The following SNTG1 variants were observed in gnomAD, a reference collection of about 807,000 sequenced individuals.
The protein encoded by SNTG1 is gamma-1-syntrophin.
SNTG1 carries 39 observed loss-of-function variants against 74.7 expected under a neutral mutation model. That is an observed-to-expected ratio of 0.52 (90% confidence interval 0.40 to 0.68). The LOEUF (loss-of-function observed/expected upper bound fraction) is 0.68, where lower values mean the gene tolerates loss of function less well. Ranked by LOEUF, SNTG1 falls within the 30% of genes least tolerant of loss-of-function variation. The probability of loss-of-function intolerance (pLI) is 0.00; values close to 1 mark genes in which losing one functional copy is unlikely to be tolerated. For synonymous variants in SNTG1, 254 were observed against 217.1 expected, an observed-to-expected ratio of 1.17 and a Z score of -1.49; for missense variants, 685 against 609.5, an observed-to-expected ratio of 1.12 and a Z score of -1.30.
chr8:50,174,355 T>C (rs576782102), intron 2 of SNTG1, among the ~76,000 whole-genome samples: 3 of 152,328 alleles, frequency 2.0e-5, no homozygotes, highest in East Asian at 3.9e-4. Flanking sequence ...ATATACCCAG[T>C]AATGGGATTG....
intron 1 of SNTG1, among the ~76,000 whole-genome samples, chr8:50,028,885 G>A (rs921808779): frequency 6.6e-6 from 1 of 152,000 alleles, no homozygotes; most frequent in South Asian, 2.1e-4. Flanking sequence ...GAGATGTCAA[G>A]CAACATTTTT....
At position 50,371,321 on chromosome 8, in the gene SNTG1, A is replaced by G. The variant is rs148591645; in HGVS notation, c.-27-22891A>G. Among the ~76,000 whole-genome samples, 149 of 152,302 alleles carry G rather than the reference A, an allele frequency of 9.8e-4. 4 individuals are homozygous for G. In the East Asian group the frequency reaches 0.019, roughly 20 times the overall value. The stretch of plus-strand genomic sequence containing the variant: ...TACTCCATCATCCAATAAATAAGTC[A>G]TCAGGCCTCAGCAAGCCCTGAAGGC... On this transcript the variant is annotated intron_variant, in intron 2 of 18. Transcript: ENST00000642720.
chr8:50,335,594 T>C (rs374138565), intron 2 of SNTG1, among the ~76,000 whole-genome samples: 23 of 152,126 alleles, frequency 1.5e-4, no homozygotes, highest in East Asian at 9.6e-4. Context: ...AATCAAATCC[T>C]TCTCACACTT....
At chr8:50,344,707 C>CAAGGCTTCTCAA (rs1318887597) in intron 2 of SNTG1, among the ~76,000 whole-genome samples, 2 of 152,122 alleles carry the variant, frequency 1.3e-5, no homozygotes, top group East Asian at 1.9e-4. Flanking sequence ...CAGGTGTGGC[C>CAAGGCTTCTCAA]AAGGCTTCTC....
intron 2 of SNTG1, among the ~76,000 whole-genome samples, chr8:50,355,372 G>A (rs1321532363): frequency 6.6e-6 from 1 of 152,032 alleles, no homozygotes; most frequent in Non-Finnish European, 1.5e-5. Flanking sequence ...GTTATTTACT[G>A]AAAAATAGAA....
intron 13 of SNTG1, among the ~76,000 whole-genome samples, chr8:50,622,969 T>C (rs369011352): frequency 3.9e-5 from 6 of 152,254 alleles, no homozygotes; most frequent in Middle Eastern, 3.4e-3. Flanking sequence ...TTTTTAAAAA[T>C]TTATTTTTAA....
chr8:50,632,104 A>G (rs1000263686), intron 13 of SNTG1, among the ~76,000 whole-genome samples: 19 of 152,072 alleles, frequency 1.2e-4, no homozygotes, highest in African/African-American at 4.6e-4. Context: ...TTTCACAAAC[A>G]TAGGATATGG....
intron 13 of SNTG1, among the ~76,000 whole-genome samples, chr8:50,644,944 A>G (rs1275521637): frequency 6.8e-6 from 1 of 146,384 alleles, no homozygotes; most frequent in Non-Finnish European, 1.5e-5. Flanking sequence ...TTTCCTACAG[A>G]TGAGGTCCGC....
chr8:50,499,736 C>T (rs1438714405), intron 8 of SNTG1, among the ~76,000 whole-genome samples: 1 of 151,512 alleles, frequency 6.6e-6, no homozygotes, highest in Non-Finnish European at 1.5e-5. Context: ...TTAAAGTGTT[C>T]AACAGATATG....
intron 1 of SNTG1, among the ~76,000 whole-genome samples, chr8:49,916,445 A>C (rs945897605): frequency 3.9e-5 from 6 of 152,112 alleles, no homozygotes; most frequent in Non-Finnish European, 7.4e-5. Context: ...TTTTTCAAAA[A>C]GAGTGTCATT....
In SNTG1 at chr8:50,324,547, G is replaced by A. The variant is rs565899869; in HGVS notation, c.-27-69665G>A. Among the ~76,000 whole-genome samples, 14 of 152,274 alleles carry A rather than the reference G, an allele frequency of 9.2e-5. 1 individual carries two copies. The highest frequency in any genetic ancestry group is 3.1e-4 in the African/African-American group (13 of 41,558). On this transcript the variant is annotated intron_variant, in intron 2 of 18. Coordinates refer to ENST00000642720, the MANE Select transcript of SNTG1 (RefSeq NM_018967.5). The stretch of plus-strand genomic sequence containing the variant: ...GTAGGAGGGATGAACAGTACTGTGA[G>A]CTTCTATTCTGCCCTCTTGCTCTGC...
intron 1 of SNTG1, among the ~76,000 whole-genome samples, chr8:49,947,001 G>GT (rs1809249867): frequency 6.6e-6 from 1 of 152,112 alleles, no homozygotes; most frequent in African/African-American, 2.4e-5. Flanking sequence ...ATAAACAAGA[G>GT]TAAAAAGAGC....
chr8:50,221,615 T>C (rs1265787038), intron 2 of SNTG1, among the ~76,000 whole-genome samples: 1 of 151,800 alleles, frequency 6.6e-6, no homozygotes, highest in East Asian at 1.9e-4. Context: ...ATAGGATGGA[T>C]CTGGTAGAAG....
intron 1 of SNTG1, among the ~76,000 whole-genome samples, chr8:49,930,726 G>A (rs969776557): frequency 1.3e-5 from 2 of 151,930 alleles, no homozygotes; most frequent in African/African-American, 4.8e-5. Context: ...GACAATAACT[G>A]ACAAACATTT....
chr8:50,226,274 C>A (rs1203775906), intron 2 of SNTG1, among the ~76,000 whole-genome samples: 1 of 152,108 alleles, frequency 6.6e-6, no homozygotes, highest in Non-Finnish European at 1.5e-5. Context: ...CCCTATATAT[C>A]ATGACTCACT....
intron 2 of SNTG1, among the ~76,000 whole-genome samples, chr8:50,374,180 G>T (rs2092327962): frequency 6.6e-6 from 1 of 152,188 alleles, no homozygotes; most frequent in Admixed American, 6.5e-5. Flanking sequence ...CTCTCTGTTT[G>T]CTGTTAAAAT....
chr8:50,732,741 A>G (rs1015693504), intron 17 of SNTG1, among the ~76,000 whole-genome samples: 1 of 151,938 alleles, frequency 6.6e-6, no homozygotes, highest in Non-Finnish European at 1.5e-5. Flanking sequence ...ACATAACCTT[A>G]CTAGCTTTAG....
chr8:50,394,276 A>G lies in SNTG1; in HGVS notation c.27+11A>G, dbSNP rs2092700258. 1 of 1,610,864 alleles carries G rather than the reference A, an allele frequency of 6.2e-7. No homozygotes were observed. Among genetic ancestry groups the G allele is most frequent in the African/African-American group, 1.3e-5 (1 of 74,776 alleles). ...ACCGCCTGTGAGGAGGTGAGTACAG[A>G]GCTTTCTGCTTTTCAAACAGGGAAA... On this transcript the variant is annotated intron_variant, in intron 3 of 18. Transcript: ENST00000642720.
intron 2 of SNTG1, among the ~76,000 whole-genome samples, chr8:50,279,085 T>C (rs568346685): frequency 2.6e-4 from 39 of 152,106 alleles, no homozygotes; most frequent in Non-Finnish European, 4.7e-4. Context: ...TGCAATCAAT[T>C]AATGAATATT....
Sources: gnomAD v4.1 joint callset for allele counts (sites outside exome capture counted in the v4.1 genomes callset) on GRCh38, gnomAD v4.1.1 for gene constraint, MANE v1.5 for transcripts, NCBI Gene and HGNC (gene_info 2026-07-23, HGNC 2026-07-21) for gene names.